Variants in TRIM38 observed in about 807,000 individuals in gnomAD.
TRIM38 encodes tripartite motif containing 38.
TRIM38 carries 35 observed loss-of-function variants against 35.8 expected under a neutral mutation model. The observed-to-expected ratio is 0.98, with a 90% CI of 0.75 to 1.30. The LOEUF (loss-of-function observed/expected upper bound fraction) is 1.30, where lower values mean the gene tolerates loss of function less well. Among genes scored for constraint, TRIM38 ranks in the 50% most tolerant of loss-of-function variants. The pLI is 0.00. For synonymous variants in TRIM38, 198 were observed against 204.7 expected, an observed-to-expected ratio of 0.97 and a Z score of 0.28; for missense variants, 545 against 556.9, an observed-to-expected ratio of 0.98 and a Z score of 0.21.
At chr6:25,977,838 A>G (rs983100987) in intron 7 of TRIM38, among the ~76,000 whole-genome samples, 1 of 152,102 alleles carries the variant, frequency 6.6e-6, no homozygotes, top group African/African-American at 2.4e-5. Context: ...GGCTATATAC[A>G]CACCAGAACT....
intron 7 of TRIM38, among the ~76,000 whole-genome samples, chr6:25,978,010 A>G (rs1760446886): frequency 6.6e-6 from 1 of 152,054 alleles, no homozygotes; most frequent in Non-Finnish European, 1.5e-5. Context: ...AAACCATCCC[A>G]CCAGTGTCTT....
intron 7 of TRIM38, among the ~76,000 whole-genome samples, chr6:25,979,641 C>CT (rs954205576): frequency 4.0e-5 from 6 of 150,570 alleles, no homozygotes; most frequent in Non-Finnish European, 7.4e-5. Flanking sequence ...AAGAAGCTAC[C>CT]TTTTTTTTTG....
Position 25,962,872 on chromosome 6 carries a change from T to C in TRIM38, c.-423+17T>C, listed in dbSNP as rs1411783634. On this transcript the variant is annotated intron_variant, in intron 1 of 7. Transcript: ENST00000357085. ...AGCGAATATGTAAGTGTCTGAGCAG[T>C]GAAGGTTACGGAAAAGGTCCAGGCT... 1.3e-5 allele frequency: 2 copies of C among 152,306 alleles called. No homozygotes were observed. The highest frequency in any genetic ancestry group is 6.6e-5 in the Admixed American group (1 of 15,258). The allele number at this position is 152,306 out of a possible 1,614,324, so 9.4% of individuals were successfully genotyped here.
At chr6:25,978,760 A>T (rs2113612339) in intron 7 of TRIM38, among the ~76,000 whole-genome samples, 1 of 152,134 alleles carries the variant, frequency 6.6e-6, no homozygotes, top group Non-Finnish European at 1.5e-5. Context: ...TCCACCTCCC[A>T]GGCTCAAGTG....
chr6:25,970,426 T>A (rs1231565357), intron 4 of TRIM38, among the ~76,000 whole-genome samples: 1 of 152,200 alleles, frequency 6.6e-6, no homozygotes, highest in African/African-American at 2.4e-5. Context: ...AATCTTTATA[T>A]TTATATAATT....
At chr6:25,973,312 A>T (rs760152419) in intron 7 of TRIM38, 27 bp downstream of exon 7, 1 of 1,608,752 alleles carries the variant, frequency 6.2e-7, no homozygotes, top group South Asian at 1.1e-5. Context: ...ATTCCTGAAT[A>T]CTGTGGATAG....
chr6:25,978,979 C>A lies in TRIM38; in HGVS notation c.875-4185C>A, dbSNP rs751087671. On this transcript the variant is annotated intron_variant, in intron 7 of 7. Coordinates refer to ENST00000357085, the MANE Select transcript of TRIM38 (RefSeq NM_006355.5). Reference sequence around the variant, plus strand: ...CACTGTGCCTGGCCTGATTATTGTACACATTTTTGATGTAATGTATTATAT... The same window carrying A: ...CACTGTGCCTGGCCTGATTATTGTAAACATTTTTGATGTAATGTATTATAT... Among the ~76,000 whole-genome samples the A allele has an allele frequency of 3.8e-4, 57 of 151,986 alleles. 1 individual carries two copies. The highest frequency in any genetic ancestry group is 8.2e-4 in the Non-Finnish European group (56 of 68,000).
intron 7 of TRIM38, among the ~76,000 whole-genome samples, chr6:25,976,227 C>A (rs565377075): frequency 4.3e-4 from 65 of 152,250 alleles, no homozygotes; most frequent in Admixed American, 4.0e-3. Flanking sequence ...CTAGAAACCA[C>A]TCTCTCACCA....
In TRIM38 at chr6:25,987,135, G is replaced by C. The variant is rs1760730180; in HGVS notation, c.*3448G>C. ...CCTTCACACTCATACTATTTAAACT[G>C]TCCTAGTCAATGACCAAAAAAGAAA... On this transcript the variant is annotated 3_prime_UTR_variant, in exon 8 of 8. Transcript: ENST00000357085. 1 of 151,518 alleles carries C rather than the reference G, an allele frequency of 6.6e-6. No individual in the cohort carries two copies. Among genetic ancestry groups the C allele is most frequent in the Non-Finnish European group, 1.5e-5 (1 of 67,972 alleles). 9.4% of individuals were successfully genotyped at this position (151,518 alleles called of 1,614,324 possible). A position where few individuals can be genotyped will look rare whatever the true frequency, so the allele number is the denominator to read the frequency against.
rs73387409 is a variant in TRIM38, at chr6:25,978,402, A to G, written c.875-4762A>G. On this transcript the variant is annotated intron_variant, in intron 7 of 7. Coordinates refer to ENST00000357085, the MANE Select transcript of TRIM38 (RefSeq NM_006355.5). The stretch of plus-strand genomic sequence containing the variant: ...GGATACTATGTCTATATCTGTATCT[A>G]TCTATCTATGGAGAAGGAATACTAT... Among the ~76,000 whole-genome samples the G allele has an allele frequency of 9.0e-3, 1,363 of 152,214 alleles. 21 individuals are homozygous for G. The highest frequency in any genetic ancestry group is 0.03 in the African/African-American group (1,235 of 41,526).
At chr6:25,972,246 C>T in intron 5 of TRIM38, 147 bp downstream of exon 5, 1 of 707,456 alleles carries the variant, frequency 1.4e-6, no homozygotes, top group Non-Finnish European at 2.3e-6. Flanking sequence ...TTATAGGGTA[C>T]CTTTATGTCA....
At chr6:25,978,765 C>T (rs12201678) in intron 7 of TRIM38, among the ~76,000 whole-genome samples, 25,050 of 152,136 alleles carry the variant, frequency 0.16, 2,584 homozygotes, top group Non-Finnish European at 0.23. Flanking sequence ...CTCCCAGGCT[C>T]AAGTGATCCT....
rs748528468 is a variant in TRIM38, at chr6:25,966,799, T to C, written c.277T>C (p.Cys93Arg). 2 of 1,614,176 alleles carry C rather than the reference T, an allele frequency of 1.2e-6. No individual in the cohort carries two copies. The highest frequency in any genetic ancestry group is 1.1e-5 in the South Asian group (1 of 91,088). Residue 93 changes from cysteine (C) to arginine (R), a missense_variant, in exon 3 of 8, where the codon TGT becomes CGT. Coordinates refer to ENST00000357085, the MANE Select transcript of TRIM38 (RefSeq NM_006355.5). ...CAAAGAGACGGATCAAGAAATGTCA[T>C]GTGAGGAACACGGAGAGCAGTTCCA... is the stretch of plus-strand genomic sequence containing the variant. ...ALKETDQEMS[C>R]EEHGEQFHLF...
intron 7 of TRIM38, among the ~76,000 whole-genome samples, chr6:25,981,782 G>T (rs1308959253): frequency 6.6e-6 from 1 of 152,172 alleles, no homozygotes; most frequent in East Asian, 1.9e-4. Context: ...GATTCTCAAT[G>T]TTGGTGGTTA....
intron 7 of TRIM38, among the ~76,000 whole-genome samples, chr6:25,974,348 A>G (rs1288586755): frequency 6.6e-6 from 1 of 152,198 alleles, no homozygotes; most frequent in African/African-American, 2.4e-5. Context: ...GGCTTCTAAC[A>G]TGGCCAGTTA....
At chr6:25,971,172 G>A (rs1425565984) in intron 4 of TRIM38, among the ~76,000 whole-genome samples, 1 of 152,176 alleles carries the variant, frequency 6.6e-6, no homozygotes, top group East Asian at 1.9e-4. Context: ...TTTTATCCTT[G>A]TAACTGATAA....
chr6:25,973,108 G>T, intron 6 of TRIM38, 32 bp downstream of exon 6: 2 of 1,613,894 alleles, frequency 1.2e-6, no homozygotes, highest in Non-Finnish European at 8.5e-7. Flanking sequence ...GAGGGGAGGG[G>T]TGTGCGTATA....
Position 25,964,433 on chromosome 6 carries a change from G to T in TRIM38, c.-189+1151G>T, listed in dbSNP as rs562371362. ...GAATATTTGGGAGGATGAATGAATG[G>T]AGGAACAGAGTTTAACTTGTAAATG... On this transcript the variant is annotated intron_variant, in intron 2 of 7. Coordinates refer to ENST00000357085, the MANE Select transcript of TRIM38 (RefSeq NM_006355.5). 7.9e-5 allele frequency among the ~76,000 whole-genome samples: 12 copies of T among 152,288 alleles called. No individual in the cohort carries two copies. In the South Asian group the frequency reaches 2.3e-3, roughly 29 times the overall value.
rs1297686180 is a variant in TRIM38 at position 25,966,800 on chromosome 6, G to A, written c.278G>A (p.Cys93Tyr). 6.2e-7 allele frequency: 1 copy of A among 1,614,234 alleles called. No homozygotes were observed. Among genetic ancestry groups the A allele is most frequent in the Non-Finnish European group, 8.5e-7 (1 of 1,180,044 alleles). ...AAAGAGACGGATCAAGAAATGTCAT[G>A]TGAGGAACACGGAGAGCAGTTCCAC... ...ALKETDQEMS[C>Y]EEHGEQFHLF... Residue 93 changes from cysteine (C) to tyrosine (Y), a missense_variant, in exon 3 of 8, where the codon TGT becomes TAT. Transcript: ENST00000357085.
Sources: allele counts gnomAD v4.1 joint callset (sites outside exome capture counted in the v4.1 genomes callset), GRCh38; gene constraint gnomAD v4.1.1; transcripts MANE v1.5; gene names NCBI Gene and HGNC (gene_info 2026-07-23, HGNC 2026-07-21).